Variants in WNK3 observed in about 807,000 individuals in gnomAD.
WNK3 encodes the protein WNK lysine deficient protein kinase 3, also known as serine/threonine-protein kinase WNK3.
In WNK3, 18 loss-of-function variants were observed where a neutral mutation model predicts 116.7. That is an observed-to-expected ratio of 0.15 (90% CI 0.11 to 0.23). The LOEUF is 0.23. WNK3 is among the 10% of genes least tolerant of loss of function. WNK3 has a pLI of 1.00. For missense variants in WNK3, 993 were observed against 1,323.8 expected (o/e 0.75, Z 3.88); for synonymous variants, 404 against 469.4 (o/e 0.86, Z 1.80).
In WNK3 at chrX:54,232,661, A is replaced by C. The variant is rs781917130; in HGVS notation, c.4840+148T>G. 42 of 504,959 alleles carry C rather than the reference A, an allele frequency of 8.3e-5. No homozygotes were observed. In the South Asian group the frequency reaches 1.6e-3, roughly 19 times the overall value. 41.6% of individuals were successfully genotyped at this position (504,959 alleles called of 1,213,427 possible). On this transcript the variant is annotated intron_variant, in intron 21 of 23. Coordinates refer to ENST00000354646, the Ensembl canonical transcript of WNK3. ...TCATTACTACATAAAAGGACATTTAACATCAAAAACAGAAAATAATCTCAG... is the reference window on the plus strand; with the variant it reads ...TCATTACTACATAAAAGGACATTTACCATCAAAAACAGAAAATAATCTCAG...
chrX:54,219,474 G>C (rs2067735492), intron 22 of WNK3, among the ~76,000 whole-genome samples: 1 of 109,273 alleles, frequency 9.2e-6, no homozygotes, highest in South Asian at 4.0e-4. Flanking sequence ...GAGGTCAGGA[G>C]TTCGAGACCA....
At chrX:54,239,092 G>T in exon 18 of WNK3, 1 of 1,129,924 alleles carries the variant, frequency 8.9e-7, no homozygotes. Flanking sequence ...AGCATCTGAG[G>T]ACATCTCCTA....
Position 54,306,381 on chromosome X carries a change from TATG to T in WNK3, c.1089+1538_1089+1540del, listed in dbSNP as rs782459631. On this transcript the variant is annotated intron_variant, in intron 5 of 23. Coordinates refer to ENST00000354646, the Ensembl canonical transcript of WNK3. Reference sequence around the variant, plus strand: ...GCATCACTATACACAATAGCCAAGATATGGAAATGACCTACATGTTCATCAGTG... The same window carrying T: ...GCATCACTATACACAATAGCCAAGATGAAATGACCTACATGTTCATCAGTG... Among the ~76,000 whole-genome samples the T allele has an allele frequency of 1.4e-3, 158 of 111,697 alleles. 2 individuals are homozygous for T. The highest frequency in any genetic ancestry group is 4.9e-3 in the African/African-American group (150 of 30,782).
intron 22 of WNK3, chrX:54,223,965 A>G: frequency 7.0e-6 from 1 of 142,128 alleles, no homozygotes; most frequent in Non-Finnish European, 1.4e-5. Flanking sequence ...AATGACAATG[A>G]CAGACAGGAT....
At chrX:54,294,622 C>T (rs2068676589) in exon 8 of WNK3, 1 of 1,206,210 alleles carries the variant, frequency 8.3e-7, no homozygotes, top group Non-Finnish European at 1.1e-6. Flanking sequence ...TGATCAACTT[C>T]AGTTTCTTCA....
chrX:54,353,608 G>A (rs185498392), intron 1 of WNK3, among the ~76,000 whole-genome samples: 56 of 109,261 alleles, frequency 5.1e-4, no homozygotes, highest in Admixed American at 3.9e-3. Flanking sequence ...TTAGCCGGGC[G>A]TAGTGGCGGG....
At chrX:54,232,113 G>GTATA (rs781829275) in intron 21 of WNK3, among the ~76,000 whole-genome samples, 2,110 of 95,030 alleles carry the variant, frequency 0.022, 67 homozygotes, top group African/African-American at 0.071. Flanking sequence ...GTGTGTGTGT[G>GTATA]TATATATATA....
chrX:54,296,031 C>T (rs1017231347), intron 7 of WNK3, among the ~76,000 whole-genome samples: 27 of 111,898 alleles, frequency 2.4e-4, no homozygotes, highest in African/African-American at 7.5e-4. Context: ...AAAAAAGGAA[C>T]GTGCACACTA....
rs192390834 is a variant in WNK3 at position 54,333,776 on chromosome X, T to C, written c.-103A>G. The stretch of plus-strand genomic sequence containing the variant: ...GAATGGACTTCCTTTTGCGTGGTCA[T>C]GTATTTCCATAGCAACCTGAAGGGG... On this transcript the variant is annotated 5_prime_UTR_variant, in exon 2 of 24. It removes an upstream start codon present in the reference 5' UTR. Transcript: ENST00000354646. 2 of 569,471 alleles carry C rather than the reference T, an allele frequency of 3.5e-6. No homozygotes were observed. The highest frequency in any genetic ancestry group is 3.5e-5 in the East Asian group (1 of 28,602). 46.9% of individuals were successfully genotyped at this position (569,471 alleles called of 1,213,427 possible).
intron 22 of WNK3, among the ~76,000 whole-genome samples, chrX:54,225,620 CAAAA>C (rs781823865): frequency 5.9e-4 from 30 of 50,913 alleles, no homozygotes; most frequent in Non-Finnish European, 1.1e-3. Flanking sequence ...GACTCTGTTT[CAAAA>C]AAAAAAAAAA....
intron 17 of WNK3, among the ~76,000 whole-genome samples, chrX:54,241,724 C>T (rs1211473535): frequency 3.6e-5 from 4 of 111,020 alleles, no homozygotes; most frequent in East Asian, 2.8e-4. Flanking sequence ...GAGGCTAAGG[C>T]GGGTGGATCA....
At chrX:54,318,943 A>G (rs2068996360) in intron 2 of WNK3, among the ~76,000 whole-genome samples, 1 of 108,692 alleles carries the variant, frequency 9.2e-6, no homozygotes, top group African/African-American at 3.4e-5. Flanking sequence ...ACGCCTGACT[A>G]ATTTTTGTAT....
At chrX:54,245,418 T>C (rs781786639) in intron 17 of WNK3, among the ~76,000 whole-genome samples, 14 of 109,594 alleles carry the variant, frequency 1.3e-4, no homozygotes, top group Non-Finnish European at 1.7e-4. Context: ...ACTCAGGAGG[T>C]TGAGGTTACA....
At chrX:54,275,231 G>A (rs1167840429) in intron 10 of WNK3, among the ~76,000 whole-genome samples, 2 of 109,285 alleles carry the variant, frequency 1.8e-5, no homozygotes, top group Non-Finnish European at 3.8e-5. Flanking sequence ...CAGGAGAATC[G>A]CTTGAACCTG....
intron 1 of WNK3, among the ~76,000 whole-genome samples, chrX:54,350,344 A>C (rs1179726160): frequency 9.2e-6 from 1 of 108,785 alleles, no homozygotes; most frequent in Non-Finnish European, 1.9e-5. Context: ...CACGAGGTGG[A>C]GCTTGCAGTG....
exon 1 of WNK3, chrX:54,357,963 G>A (rs976593127): frequency 4.5e-5 from 5 of 112,213 alleles, no homozygotes; most frequent in African/African-American, 1.6e-4. Flanking sequence ...GGAGAGAGGG[G>A]AGCGGGGTAC....
At chrX:54,224,794 C>A (rs781886674) in intron 22 of WNK3, among the ~76,000 whole-genome samples, 1 of 110,780 alleles carries the variant, frequency 9.0e-6, no homozygotes, top group African/African-American at 3.3e-5. Flanking sequence ...GGGTCTTGAT[C>A]TCCTGACCTT....
At chrX:54,262,225 A>C (rs782399562) in intron 10 of WNK3, among the ~76,000 whole-genome samples, 3 of 111,469 alleles carry the variant, frequency 2.7e-5, no homozygotes, top group Non-Finnish European at 5.6e-5. Flanking sequence ...AAAATGTATT[A>C]AGTATTTTTC....
intron 1 of WNK3, among the ~76,000 whole-genome samples, chrX:54,341,662 T>A (rs185853987): frequency 1.8e-5 from 2 of 111,118 alleles, no homozygotes; most frequent in African/African-American, 6.5e-5. Flanking sequence ...GGATGAACCA[T>A]GAAGACATTA....
Sources: gnomAD v4.1 joint callset for allele counts (sites outside exome capture counted in the v4.1 genomes callset) on GRCh38, gnomAD v4.1.1 for gene constraint, MANE v1.5 for transcripts, NCBI Gene and HGNC (gene_info 2026-07-23, HGNC 2026-07-21) for gene names.